Variants in FLYWCH1 observed in about 807,000 individuals in gnomAD.
FLYWCH1 encodes the protein FLYWCH-type zinc finger-containing protein 1.
In FLYWCH1, 75 loss-of-function variants were observed where a neutral mutation model predicts 66.4. The ratio of observed to expected loss-of-function variants is 1.13; its 90% CI spans 0.94 to 1.37. FLYWCH1 has a LOEUF of 1.37. Among genes scored for constraint, FLYWCH1 ranks in the 40% most tolerant of loss-of-function variants. The probability of loss-of-function intolerance (pLI) is 0.00; values close to 1 mark genes in which losing one functional copy is unlikely to be tolerated. For synonymous variants in FLYWCH1, 595 were observed against 429.9 expected (o/e 1.38, Z -4.75); for missense variants, 1,334 against 1,001.8 (o/e 1.33, Z -4.48).
At chr16:2,938,132 C>G (rs1004944530) in intron 7 of FLYWCH1, 52 bp from the exon 8 acceptor site, 10 of 1,565,686 alleles carry the variant, frequency 6.4e-6, no homozygotes, top group Non-Finnish European at 8.7e-6. Flanking sequence ...GACCCCCAGC[C>G]CTGCCACCCA....
rs889299041 is a variant in FLYWCH1 at position 2,949,773 on chromosome 16, G to C, written c.*1046G>C. 2.0e-5 allele frequency: 3 copies of C among 151,992 alleles called. No homozygotes were observed. The highest frequency in any genetic ancestry group is 4.4e-5 in the Non-Finnish European group (3 of 68,046). 9.4% of individuals were successfully genotyped at this position (151,992 alleles called of 1,614,324 possible). On this transcript the variant is annotated 3_prime_UTR_variant, in exon 10 of 10. Coordinates refer to ENST00000253928, the MANE Select transcript of FLYWCH1 (RefSeq NM_001308068.2). ...GCCTGGGCACCCCTGCTTCTCCTCT[G>C]CTTGTACGGTTCCCCCAATAAATCC...
chr16:2,930,336 C>T, intron 3 of FLYWCH1, 74 bp from the exon 4 acceptor site: 2 of 935,028 alleles, frequency 2.1e-6, no homozygotes, highest in South Asian at 1.9e-5. Context: ...ATCCCCACGC[C>T]CTCCCTGGCT....
At chr16:2,936,603 C>G (rs2071012823) in intron 6 of FLYWCH1, 1 of 457,084 alleles carries the variant, frequency 2.2e-6, no homozygotes, top group African/African-American at 2.0e-5. Context: ...GGGCAAGGCA[C>G]AGCCACCCGC....
At chr16:2,919,386 C>T (rs1336591882) in intron 2 of FLYWCH1, among the ~76,000 whole-genome samples, 1 of 152,064 alleles carries the variant, frequency 6.6e-6, no homozygotes, top group African/African-American at 2.4e-5. Flanking sequence ...CTGCCTCAGC[C>T]TCCCGAGTAG....
chr16:2,912,551 C>T (rs541272062), intron 1 of FLYWCH1, among the ~76,000 whole-genome samples: 1 of 152,344 alleles, frequency 6.6e-6, no homozygotes, highest in East Asian at 1.9e-4. Flanking sequence ...CTATAGATCT[C>T]CGGTGACGGC....
At chr16:2,944,973 T>A (rs2071420362) in intron 9 of FLYWCH1, among the ~76,000 whole-genome samples, 1 of 152,048 alleles carries the variant, frequency 6.6e-6, no homozygotes, top group Non-Finnish European at 1.5e-5. Flanking sequence ...TGGGACAAGA[T>A]GTGGAGGTCG....
At chr16:2,918,190 C>G in intron 2 of FLYWCH1, among the ~76,000 whole-genome samples, 1 of 145,804 alleles carries the variant, frequency 6.9e-6, no homozygotes, top group East Asian at 2.0e-4. Context: ...CTCTGTCGCC[C>G]AGGCTGGAGT....
At position 2,930,421 on chromosome 16, in the gene FLYWCH1, T is replaced by G; in HGVS notation, c.337T>G (p.Ser113Ala). 1 of 1,464,192 alleles carries G rather than the reference T, an allele frequency of 6.8e-7. No homozygotes were observed. The highest frequency in any genetic ancestry group is 1.4e-5 in the South Asian group (1 of 69,916). The allele number at this position is 1,464,192 out of a possible 1,614,324, so 90.7% of individuals were successfully genotyped here. The change falls in exon 4 of 10, where the codon TCC becomes GCC. Residue 113 changes from serine to alanine, a missense_variant. Ser to Ala is a moderately conservative substitution (Grantham distance 99). Transcript: ENST00000253928. ...CSKLDAAAPQ[S>A]LEFLRTPFGG... ...TCCCGTTCCCCCAGCAGCCCCTCAG[T>G]CCCTGGAGTTCCTGAGGACACCATT...
At chr16:2,934,671 A>T (rs747080121) in intron 6 of FLYWCH1, 16 of 456,678 alleles carry the variant, frequency 3.5e-5, no homozygotes, top group African/African-American at 2.6e-4. Flanking sequence ...GGGTCATGTG[A>T]GTTGCCTCAT....
chr16:2,933,333 G>C lies in FLYWCH1; in HGVS notation c.1000G>C (p.Asp334His), dbSNP rs202057371. The change falls in exon 5 of 10, where the codon GAT becomes CAT. Residue 334 changes from aspartate to histidine, a missense_variant. Asp to His is a moderately conservative substitution (Grantham distance 81). Coordinates refer to ENST00000253928, the MANE Select transcript of FLYWCH1 (RefSeq NM_001308068.2). ...TVMRGHCHQP[D>H]MEGLEARRQQ... ...GATGCGTGGGCACTGCCACCAGCCC[G>C]ATATGGAGGGCCTGGAAGCCCGGCG... The C allele has an allele frequency of 5.0e-6, 8 of 1,608,884 alleles. No homozygotes were observed. Among genetic ancestry groups the C allele is most frequent in the Admixed American group, 1.7e-5 (1 of 59,180 alleles).
At chr16:2,945,842 A>AAC (rs1202644390) in intron 9 of FLYWCH1, among the ~76,000 whole-genome samples, 1 of 151,176 alleles carries the variant, frequency 6.6e-6, no homozygotes, top group Admixed American at 6.6e-5. Flanking sequence ...CTAAAAATAC[A>AAC]AAAAATTAGC....
chr16:2,918,054 G>C (rs780546703), intron 2 of FLYWCH1, among the ~76,000 whole-genome samples: 1 of 151,410 alleles, frequency 6.6e-6, no homozygotes, highest in Non-Finnish European at 1.5e-5. Flanking sequence ...GGCCGGGCTT[G>C]TCTTGAACTC....
At chr16:2,938,041 G>A (rs2071090791) in intron 7 of FLYWCH1, 143 bp from the exon 8 acceptor site, 2 of 791,222 alleles carry the variant, frequency 2.5e-6, no homozygotes, top group Non-Finnish European at 4.0e-6. Flanking sequence ...AGGGCCCAGA[G>A]GGGAGGAGGG....
At chr16:2,919,926 G>A (rs1392403218) in intron 2 of FLYWCH1, among the ~76,000 whole-genome samples, 1 of 152,080 alleles carries the variant, frequency 6.6e-6, no homozygotes, top group Non-Finnish European at 1.5e-5. Context: ...TTATGTAATG[G>A]TCCTTTGGAA....
intron 7 of FLYWCH1, among the ~76,000 whole-genome samples, chr16:2,937,640 T>TG (rs552264616): frequency 6.6e-6 from 1 of 151,846 alleles, no homozygotes; most frequent in African/African-American, 2.4e-5. Flanking sequence ...TGGCCAGGGG[T>TG]GGCATTGGCA....
intron 7 of FLYWCH1, 104 bp downstream of exon 7, chr16:2,937,488 G>A (rs948610945): frequency 1.1e-4 from 146 of 1,323,036 alleles, no homozygotes; most frequent in Non-Finnish European, 1.4e-4. Flanking sequence ...TGTGCATGGT[G>A]GTCTGACAGC....
At chr16:2,945,903 A>G (rs1324527639) in intron 9 of FLYWCH1, among the ~76,000 whole-genome samples, 2 of 152,004 alleles carry the variant, frequency 1.3e-5, no homozygotes, top group Non-Finnish European at 2.9e-5. Flanking sequence ...AGGCTGAGGC[A>G]GGAGAATGGC....
chr16:2,915,866 T>C (rs1176425493), intron 2 of FLYWCH1, among the ~76,000 whole-genome samples: 1 of 151,304 alleles, frequency 6.6e-6, no homozygotes, highest in African/African-American at 2.4e-5. Flanking sequence ...AATATTGAAA[T>C]GAATGTGCAA....
At chr16:2,930,389 C>G (rs2070718037) in intron 3 of FLYWCH1, 21 bp from the exon 4 acceptor site, 8 of 1,408,278 alleles carry the variant, frequency 5.7e-6, no homozygotes, top group South Asian at 3.0e-5. Flanking sequence ...CTTAGCTAAC[C>G]TAGCCTTCCC....
Sources: gnomAD v4.1 joint callset for allele counts (sites outside exome capture counted in the v4.1 genomes callset) on GRCh38, gnomAD v4.1.1 for gene constraint, MANE v1.5 for transcripts, NCBI Gene and HGNC (gene_info 2026-07-23, HGNC 2026-07-21) for gene names.